Variants in NFIB observed in about 807,000 individuals in gnomAD.
NFIB encodes the protein nuclear factor 1 B-type.
A neutral mutation model predicts 61.5 loss-of-function variants in NFIB; 11 were observed. That is an observed-to-expected ratio of 0.18 (90% confidence interval 0.11 to 0.30). The LOEUF (loss-of-function observed/expected upper bound fraction) is 0.30. Ranked by LOEUF, NFIB falls within the 10% of genes least tolerant of loss-of-function variation. NFIB has a pLI of 1.00. For missense variants in NFIB, 471 were observed against 608.9 expected, an observed-to-expected ratio of 0.77 and a Z score of 2.38; for synonymous variants, 260 against 216.5, an observed-to-expected ratio of 1.20 and a Z score of -1.76.
chr9:14,237,762 CAGTGTG>C lies in NFIB; in HGVS notation c.563-57988_563-57983del, dbSNP rs1192468660. On this transcript the variant is annotated intron_variant, in intron 2 of 10. Coordinates refer to ENST00000380953, the MANE Select transcript of NFIB (RefSeq NM_001190737.2). ...AAGCTCCTCACCCTGCTAGGTATAA[CAGTGTG>C]TGTGTGTGTGTGTGTGTGTGTGTGT... Among the ~76,000 whole-genome samples the C allele has an allele frequency of 5.2e-3, 554 of 105,876 alleles. 25 individuals are homozygous for C. Among genetic ancestry groups the C allele is most frequent in the African/African-American group, 0.022 (531 of 24,372 alleles). 69.5% of individuals were successfully genotyped at this position (105,876 alleles called of 152,430 possible).
intron 2 of NFIB, among the ~76,000 whole-genome samples, chr9:14,300,883 G>A (rs966615185): frequency 6.6e-6 from 1 of 152,176 alleles, no homozygotes; most frequent in Non-Finnish European, 1.5e-5. Context: ...GAGAGCTTAT[G>A]AGGAGAAAGA....
intron 1 of NFIB, chr9:14,321,854 G>A: frequency 8.1e-7 from 1 of 1,227,048 alleles, no homozygotes; most frequent in African/African-American, 1.6e-5. Flanking sequence ...CCACAAACAG[G>A]AAAAGAAAAA....
chr9:14,333,027 A>G (rs2132853555), intron 1 of NFIB, among the ~76,000 whole-genome samples: 1 of 152,276 alleles, frequency 6.6e-6, no homozygotes, highest in East Asian at 1.9e-4. Context: ...GGGTATCTAG[A>G]GAGGAGACAG....
intron 2 of NFIB, among the ~76,000 whole-genome samples, chr9:14,293,551 A>T (rs2059237126): frequency 6.6e-6 from 1 of 152,222 alleles, no homozygotes; most frequent in Admixed American, 6.5e-5. Context: ...CTTACTCAGA[A>T]GTCCCTTCAA....
At chr9:14,485,205 C>T in the NFIB span, among the ~76,000 whole-genome samples, 1 of 152,186 alleles carries the variant, frequency 6.6e-6, no homozygotes, top group Non-Finnish European at 1.5e-5. Flanking sequence ...CAGTCCATAA[C>T]AGAAACCTCA....
chr9:14,444,715 T>TA, the NFIB span, among the ~76,000 whole-genome samples: 1 of 152,322 alleles, frequency 6.6e-6, no homozygotes, highest in Non-Finnish European at 1.5e-5. Context: ...CTTTGACTTT[T>TA]AAAAAATTGT....
At chr9:14,478,136 C>T in the NFIB span, among the ~76,000 whole-genome samples, 11,964 of 152,202 alleles carry the variant, frequency 0.079, 592 homozygotes, top group South Asian at 0.18. Context: ...TTTAGGCATG[C>T]ACACACACCT....
At chr9:14,441,895 G>A in the NFIB span, among the ~76,000 whole-genome samples, 1 of 152,056 alleles carries the variant, frequency 6.6e-6, no homozygotes, top group Admixed American at 6.5e-5. Flanking sequence ...TACCCTCAAG[G>A]GCTTATTACA....
intron 2 of NFIB, among the ~76,000 whole-genome samples, chr9:14,225,481 G>A (rs13300890): frequency 0.16 from 9,731 of 61,910 alleles, 1,414 homozygotes; most frequent in East Asian, 0.41. Context: ...AAAAAAAAAA[G>A]AAGAAGAAGA....
Position 14,245,338 on chromosome 9 carries a change from CCTT to C in NFIB, c.562+61648_562+61650del, listed in dbSNP as rs1437502239. On this transcript the variant is annotated intron_variant, in intron 2 of 10. Coordinates refer to ENST00000380953, the MANE Select transcript of NFIB (RefSeq NM_001190737.2). ...CCTACCAGTACAAGCTTTCCTATGT[CCTT>C]CTTGCTGCTCTCCTGACTTTCACAG... Among the ~76,000 whole-genome samples the C allele has an allele frequency of 1.3e-4, 20 of 152,232 alleles. No individual in the cohort carries two copies. The East Asian group carries it at 3.9e-3, about 29-fold the overall frequency.
At chr9:14,222,437 A>C (rs76221140) in intron 2 of NFIB, among the ~76,000 whole-genome samples, 4,594 of 152,204 alleles carry the variant, frequency 0.03, 224 homozygotes, top group African/African-American at 0.1. Flanking sequence ...GCTCCAGGTA[A>C]ACTGGTAATC....
chr9:14,342,305 T>C (rs1401662811), intron 1 of NFIB, among the ~76,000 whole-genome samples: 1 of 152,200 alleles, frequency 6.6e-6, no homozygotes, highest in Non-Finnish European at 1.5e-5. Context: ...CTGCAGTGTT[T>C]CATTACTGGG....
At chr9:14,480,846 T>C in the NFIB span, among the ~76,000 whole-genome samples, 1 of 152,142 alleles carries the variant, frequency 6.6e-6, no homozygotes, top group Non-Finnish European at 1.5e-5. Flanking sequence ...ATCCTCTTCC[T>C]GTAGTATGAA....
At position 14,313,762 on chromosome 9, in the gene NFIB, G is replaced by A. The variant is rs1344488334; in HGVS notation, c.-251C>T. ...CACTTTTAACCCTCTTGCAGTCCGA[G>A]CGCGCTGGCCGTGCTTGCCGAGGCC... On this transcript the variant is annotated 5_prime_UTR_variant, in exon 1 of 11. Transcript: ENST00000380953. This position sits in a 1 kb window ranked among gnomAD's most constrained non-coding sequence, Gnocchi z 4.5. 9 of 1,352,036 alleles carry A rather than the reference G, an allele frequency of 6.7e-6. No homozygotes were observed. Among genetic ancestry groups the A allele is most frequent in the Non-Finnish European group, 8.6e-6 (9 of 1,052,580 alleles). 83.8% of individuals were successfully genotyped at this position (1,352,036 alleles called of 1,614,324 possible).
chr9:14,255,949 A>G (rs1191800155), intron 2 of NFIB, among the ~76,000 whole-genome samples: 1 of 152,242 alleles, frequency 6.6e-6, no homozygotes, highest in Non-Finnish European at 1.5e-5. Context: ...GTGAAATACA[A>G]AACACTGTAC....
chr9:14,314,230 G>C (rs1163670715), upstream of NFIB: 169 of 649,904 alleles, frequency 2.6e-4, no homozygotes, highest in Middle Eastern at 7.2e-4. Context: ...GAGGGAGGGG[G>C]CGCGAGCGCT....
At chr9:14,236,739 T>C (rs1435100504) in intron 2 of NFIB, among the ~76,000 whole-genome samples, 2 of 152,160 alleles carry the variant, frequency 1.3e-5, no homozygotes, top group African/African-American at 4.8e-5. Flanking sequence ...GACAGATTCA[T>C]AGCACTGGGT....
chr9:14,095,498 CT>C (rs1345074886), intron 10 of NFIB, among the ~76,000 whole-genome samples: 2 of 152,022 alleles, frequency 1.3e-5, no homozygotes, highest in African/African-American at 4.8e-5. Context: ...CCCTGGGCTT[CT>C]TTTCAATGCT....
intron 2 of NFIB, among the ~76,000 whole-genome samples, chr9:14,201,347 C>G (rs1022238279): frequency 1.3e-5 from 2 of 152,192 alleles, no homozygotes; most frequent in African/African-American, 2.4e-5. Flanking sequence ...AACCATCACC[C>G]TTTACCCTCC....
Sources: allele counts gnomAD v4.1 joint callset (sites outside exome capture counted in the v4.1 genomes callset), GRCh38; gene constraint gnomAD v4.1.1; non-coding constraint Gnocchi (gnomAD v3.1); transcripts MANE v1.5; gene names NCBI Gene and HGNC (gene_info 2026-07-23, HGNC 2026-07-21).